The following COL25A1 variants were observed in gnomAD, a reference collection of about 807,000 sequenced individuals.
COL25A1 encodes the protein collagen type XXV alpha 1 chain.
COL25A1 carries 103 observed loss-of-function variants against 128.4 expected under a neutral mutation model. That is an observed-to-expected ratio of 0.80 (90% CI 0.68 to 0.94). COL25A1 has a LOEUF of 0.94. Among genes scored for constraint, COL25A1 ranks in the 40% least tolerant of loss-of-function variants. The pLI is 0.00. For missense variants in COL25A1, 745 were observed against 840.0 expected (o/e 0.89, Z 1.40); for synonymous variants, 279 against 277.2 (o/e 1.01, Z -0.06).
intron 8 of COL25A1, among the ~76,000 whole-genome samples, chr4:108,944,834 CT>C (rs1341219893): frequency 6.6e-6 from 1 of 152,104 alleles, no homozygotes; most frequent in East Asian, 1.9e-4. Flanking sequence ...TTTGAGGAAG[CT>C]GATTTATATT....
chr4:109,202,490 A>G (rs980448807), intron 3 of COL25A1, among the ~76,000 whole-genome samples: 1 of 152,212 alleles, frequency 6.6e-6, no homozygotes, highest in Non-Finnish European at 1.5e-5. Context: ...CCTGAATGCA[A>G]AATGCAACAC....
In COL25A1 at chr4:109,165,635, T is replaced by G. The variant is rs562749055; in HGVS notation, c.368-115456A>C. 5.6e-3 allele frequency among the ~76,000 whole-genome samples: 847 copies of G among 152,250 alleles called. 2 individuals carry two copies. Among genetic ancestry groups the G allele is most frequent in the South Asian group, 0.01 (49 of 4,816 alleles). ...GGGAGGCTGAAGCAGGAGGATCACT[T>G]GAGCCTGGGAGGTTGAGGCTGCAGT... On this transcript the variant is annotated intron_variant, in intron 3 of 37. Coordinates refer to ENST00000399132, the MANE Select transcript of COL25A1 (RefSeq NM_198721.4).
chr4:109,201,767 A>G (rs1479446000), intron 3 of COL25A1, among the ~76,000 whole-genome samples: 1 of 152,218 alleles, frequency 6.6e-6, no homozygotes, highest in Non-Finnish European at 1.5e-5. Flanking sequence ...TCCTGGAACT[A>G]ATAAGCAATT....
intron 3 of COL25A1, among the ~76,000 whole-genome samples, chr4:109,239,834 CACAA>C (rs1188123617): frequency 6.6e-6 from 1 of 152,082 alleles, no homozygotes; most frequent in African/African-American, 2.4e-5. Flanking sequence ...TAGCTTATAA[CACAA>C]ACACATTGTA....
chr4:109,195,155 CAT>C (rs1775925129), intron 3 of COL25A1, among the ~76,000 whole-genome samples: 1 of 152,058 alleles, frequency 6.6e-6, no homozygotes, highest in South Asian at 2.1e-4. Context: ...TTGATGTGCA[CAT>C]GTGTGACTGT....
intron 3 of COL25A1, among the ~76,000 whole-genome samples, chr4:109,276,620 C>T (rs1180858649): frequency 1.3e-5 from 2 of 151,984 alleles, no homozygotes; most frequent in Admixed American, 6.6e-5. Context: ...GGGAAGGAAA[C>T]ATTCAGGGTT....
chr4:108,933,184 C>A (rs980747162), intron 11 of COL25A1, among the ~76,000 whole-genome samples: 2 of 152,182 alleles, frequency 1.3e-5, no homozygotes, highest in Admixed American at 1.3e-4. Flanking sequence ...GACACTCATG[C>A]AGTTTTGCAA....
chr4:109,071,594 T>C (rs1348607566), intron 3 of COL25A1, among the ~76,000 whole-genome samples: 1 of 151,984 alleles, frequency 6.6e-6, no homozygotes, highest in East Asian at 1.9e-4. Context: ...CTCAAACAAA[T>C]TTACAAGAAA....
chr4:109,082,416 C>T lies in COL25A1; in HGVS notation c.368-32237G>A, dbSNP rs3113693. Among the ~76,000 whole-genome samples, 81 of 152,226 alleles carry T rather than the reference C, an allele frequency of 5.3e-4. 1 individual carries two copies. The highest frequency in any genetic ancestry group is 1.9e-3 in the African/African-American group (78 of 41,526). ...CAAAGAGGCTGTACCATTTACAGTC[C>T]CATCAGCATGTATGAGGGTTCCATA... On this transcript the variant is annotated intron_variant, in intron 3 of 37. Transcript: ENST00000399132.
At chr4:109,008,741 ACATACATGCGCGCG>A in intron 6 of COL25A1, among the ~76,000 whole-genome samples, 1 of 103,848 alleles carries the variant, frequency 9.6e-6, no homozygotes, top group East Asian at 3.8e-4. Flanking sequence ...ATGTTTATAC[ACATACATGCGCGCG>A]CACACACACA....
chr4:109,093,062 C>T (rs956088626), intron 3 of COL25A1, among the ~76,000 whole-genome samples: 1 of 151,824 alleles, frequency 6.6e-6, no homozygotes, highest in African/African-American at 2.4e-5. Context: ...AAAGGTTATA[C>T]TGAACACTGG....
chr4:109,070,263 A>T (rs1257608706), intron 3 of COL25A1, among the ~76,000 whole-genome samples: 1 of 152,010 alleles, frequency 6.6e-6, no homozygotes, highest in Non-Finnish European at 1.5e-5. Flanking sequence ...ACAAAAAAAA[A>T]ACCCTCTCAC....
At chr4:108,954,067 A>C (rs755131660) in intron 8 of COL25A1, among the ~76,000 whole-genome samples, 2 of 152,142 alleles carry the variant, frequency 1.3e-5, no homozygotes, top group Non-Finnish European at 2.9e-5. Flanking sequence ...GAACAGAAGA[A>C]AGTATAATTC....
intron 13 of COL25A1, among the ~76,000 whole-genome samples, chr4:108,915,274 G>A (rs190452603): frequency 8.5e-5 from 13 of 152,330 alleles, no homozygotes; most frequent in Admixed American, 8.5e-4. Context: ...TATGTGCTAA[G>A]GCCATCACCT....
chr4:108,897,397 A>G (rs996148330), intron 15 of COL25A1, among the ~76,000 whole-genome samples: 8 of 152,198 alleles, frequency 5.3e-5, no homozygotes, highest in African/African-American at 1.9e-4. Context: ...GCATTAGGGA[A>G]ATAAGCATTC....
intron 3 of COL25A1, among the ~76,000 whole-genome samples, chr4:109,267,593 T>C (rs1578592729): frequency 6.6e-6 from 1 of 152,282 alleles, no homozygotes; most frequent in East Asian, 1.9e-4. Flanking sequence ...TAGTATAGTA[T>C]ATCTCCTTTA....
chr4:108,909,526 A>G (rs764356304), intron 13 of COL25A1, among the ~76,000 whole-genome samples: 12 of 152,256 alleles, frequency 7.9e-5, no homozygotes, highest in Non-Finnish European at 1.5e-4. Flanking sequence ...ATAATATAAT[A>G]GTATGAGGTG....
intron 3 of COL25A1, among the ~76,000 whole-genome samples, chr4:109,216,740 A>G (rs1778029945): frequency 6.6e-6 from 1 of 152,128 alleles, no homozygotes; most frequent in Admixed American, 6.6e-5. Context: ...TCAAGAATTG[A>G]GAGAGAATAA....
intron 3 of COL25A1, among the ~76,000 whole-genome samples, chr4:109,184,236 A>G (rs968667754): frequency 4.6e-5 from 7 of 152,196 alleles, no homozygotes; most frequent in African/African-American, 1.4e-4. Context: ...AAATGAAGGT[A>G]AAGATTCTGT....
Sources: allele counts gnomAD v4.1 joint callset (sites outside exome capture counted in the v4.1 genomes callset), GRCh38; gene constraint gnomAD v4.1.1; transcripts MANE v1.5; gene names NCBI Gene and HGNC (gene_info 2026-07-23, HGNC 2026-07-21).